Variants in MACROD2 observed in about 807,000 individuals in gnomAD.
MACROD2 encodes mono-ADP ribosylhydrolase 2.
Under a neutral mutation model 70.4 loss-of-function variants are expected in MACROD2, and 36 were observed. That is an observed-to-expected ratio of 0.51 (90% CI 0.39 to 0.68). The LOEUF is 0.68. Among genes scored for constraint, MACROD2 ranks in the 30% least tolerant of loss-of-function variants. MACROD2 has a pLI of 0.00. For missense variants in MACROD2, 496 were observed against 538.4 expected, an observed-to-expected ratio of 0.92 and a Z score of 0.78; for synonymous variants, 172 against 178.8, an observed-to-expected ratio of 0.96 and a Z score of 0.30.
intron 4 of MACROD2, among the ~76,000 whole-genome samples, chr20:14,639,319 C>G (rs944706310): frequency 2.0e-5 from 3 of 151,972 alleles, no homozygotes; most frequent in Non-Finnish European, 2.9e-5. Flanking sequence ...GATCTAGGTA[C>G]CTTCTTCAAC....
intron 12 of MACROD2, among the ~76,000 whole-genome samples, chr20:15,947,569 G>C (rs1050964869): frequency 3.3e-5 from 5 of 152,160 alleles, no homozygotes; most frequent in Admixed American, 1.3e-4. Context: ...GGGCAAAGCA[G>C]TTGTTCAGGG....
At chr20:14,592,504 G>A (rs889937205) in intron 4 of MACROD2, among the ~76,000 whole-genome samples, 1 of 152,074 alleles carries the variant, frequency 6.6e-6, no homozygotes, top group African/African-American at 2.4e-5. Flanking sequence ...GCTCACTGCA[G>A]CCTTGACCTC....
chr20:15,451,384 G>A lies in MACROD2; in HGVS notation c.571+19949G>A, dbSNP rs548948909. On this transcript the variant is annotated intron_variant, in intron 7 of 17. Transcript: ENST00000684519. The stretch of plus-strand genomic sequence containing the variant: ...CCTATGGTGCTTTCCAAGGATCTAA[G>A]ACACATGAGCAAATCTCCTGAAGGG... 3.7e-5 allele frequency among the ~76,000 whole-genome samples: 4 copies of A among 109,372 alleles called. 1 individual carries two copies. In the South Asian group the frequency reaches 1.3e-3, roughly 35 times the overall value. 71.8% of individuals were successfully genotyped at this position (109,372 alleles called of 152,430 possible).
intron 6 of MACROD2, among the ~76,000 whole-genome samples, chr20:15,417,071 A>G (rs1850691717): frequency 6.6e-6 from 1 of 152,150 alleles, no homozygotes; most frequent in South Asian, 2.1e-4. Flanking sequence ...AAGACTCTGC[A>G]GGCGTGAAAT....
At chr20:15,064,250 G>A (rs1354645624) in intron 5 of MACROD2, among the ~76,000 whole-genome samples, 2 of 152,156 alleles carry the variant, frequency 1.3e-5, no homozygotes, top group African/African-American at 4.8e-5. Flanking sequence ...CACCTCTCTA[G>A]AAGGAGGGGC....
chr20:14,048,302 G>A (rs2053508500), intron 2 of MACROD2, among the ~76,000 whole-genome samples: 1 of 152,074 alleles, frequency 6.6e-6, no homozygotes, highest in African/African-American at 2.4e-5. Flanking sequence ...TAACTAGAGG[G>A]GCAAGGAAGC....
chr20:15,428,823 C>T (rs1263375164), intron 6 of MACROD2, among the ~76,000 whole-genome samples: 1 of 152,072 alleles, frequency 6.6e-6, no homozygotes, highest in Admixed American at 6.6e-5. Flanking sequence ...TCAGCCACAA[C>T]TGAAAAACTC....
intron 12 of MACROD2, among the ~76,000 whole-genome samples, chr20:15,949,250 C>T (rs73597723): frequency 6.6e-6 from 1 of 152,172 alleles, no homozygotes; most frequent in Non-Finnish European, 1.5e-5. Flanking sequence ...AGCAGCTTCT[C>T]AAACATAGTA....
intron 8 of MACROD2, among the ~76,000 whole-genome samples, chr20:15,841,308 TG>T (rs1050476723): frequency 1.3e-5 from 2 of 152,158 alleles, no homozygotes; most frequent in African/African-American, 4.8e-5. Flanking sequence ...TGGTCCAGGA[TG>T]GGGGGGTGTA....
chr20:14,877,151 T>C, intron 5 of MACROD2, among the ~76,000 whole-genome samples: 1 of 152,162 alleles, frequency 6.6e-6, no homozygotes, highest in South Asian at 2.1e-4. Context: ...TTTGTAGTTC[T>C]CCTTGTAGGG....
At chr20:15,308,057 G>A (rs1255481708) in intron 6 of MACROD2, among the ~76,000 whole-genome samples, 1 of 152,134 alleles carries the variant, frequency 6.6e-6, no homozygotes, top group Non-Finnish European at 1.5e-5. Flanking sequence ...GGCAATGGAT[G>A]TTTATTTATC....
chr20:15,534,731 G>T (rs895389418), intron 8 of MACROD2, among the ~76,000 whole-genome samples: 4 of 152,130 alleles, frequency 2.6e-5, no homozygotes, highest in African/African-American at 9.7e-5. Context: ...TTTGATGCCA[G>T]ACCTGGCTGC....
chr20:14,109,991 A>G (rs755689694), intron 3 of MACROD2, among the ~76,000 whole-genome samples: 5 of 151,992 alleles, frequency 3.3e-5, no homozygotes, highest in Non-Finnish European at 1.5e-5. Flanking sequence ...AGTACAAGCA[A>G]ACTGAATTCA....
At chr20:14,721,319 A>T (rs1403266651) in intron 5 of MACROD2, among the ~76,000 whole-genome samples, 1 of 152,014 alleles carries the variant, frequency 6.6e-6, no homozygotes, top group East Asian at 1.9e-4. Flanking sequence ...TGGATACACA[A>T]CTATGTTTGC....
At chr20:15,490,967 A>G (rs751628987) in intron 7 of MACROD2, among the ~76,000 whole-genome samples, 11 of 152,174 alleles carry the variant, frequency 7.2e-5, no homozygotes, top group Non-Finnish European at 1.5e-4. Flanking sequence ...ATTGCTGTCC[A>G]TTTACAGAGC....
chr20:15,202,069 T>C (rs2076661296), intron 5 of MACROD2, among the ~76,000 whole-genome samples: 1 of 152,188 alleles, frequency 6.6e-6, no homozygotes, highest in African/African-American at 2.4e-5. Flanking sequence ...CAAAGATCAC[T>C]CATGGTGCCT....
intron 5 of MACROD2, among the ~76,000 whole-genome samples, chr20:15,205,502 C>T (rs184608403): frequency 1.5e-4 from 23 of 152,154 alleles, no homozygotes; most frequent in Admixed American, 1.4e-3. Flanking sequence ...AAGGCAAAAC[C>T]GGTGAGGCTT....
intron 5 of MACROD2, among the ~76,000 whole-genome samples, chr20:14,717,199 A>G (rs1323923243): frequency 6.6e-6 from 1 of 152,152 alleles, no homozygotes; most frequent in South Asian, 2.1e-4. Flanking sequence ...CAGAATATAG[A>G]AAATAAATTA....
chr20:15,714,031 A>ACG (rs1448649465), intron 8 of MACROD2, among the ~76,000 whole-genome samples: 1 of 149,966 alleles, frequency 6.7e-6, no homozygotes, highest in Non-Finnish European at 1.5e-5. Context: ...ACACACACAC[A>ACG]CGGTATAAAT....
Sources: allele counts gnomAD v4.1 joint callset (sites outside exome capture counted in the v4.1 genomes callset), GRCh38; gene constraint gnomAD v4.1.1; transcripts MANE v1.5; gene names NCBI Gene and HGNC (gene_info 2026-07-23, HGNC 2026-07-21).